Variants in CRPPA observed in about 807,000 individuals in gnomAD.
The protein encoded by CRPPA is CDP-L-ribitol pyrophosphorylase A, also known as D-ribitol-5-phosphate cytidylyltransferase.
In CRPPA, 43 loss-of-function variants were observed where a neutral mutation model predicts 52.0. The observed-to-expected ratio is 0.83, with a 90% CI of 0.65 to 1.07. The LOEUF (loss-of-function observed/expected upper bound fraction) is 1.07, where lower values mean the gene tolerates loss of function less well. CRPPA is among the 50% of genes least tolerant of loss of function. CRPPA has a pLI of 0.00. For missense variants in CRPPA, 629 were observed against 551.7 expected, an observed-to-expected ratio of 1.14 and a Z score of -1.40; for synonymous variants, 250 against 203.5, an observed-to-expected ratio of 1.23 and a Z score of -1.94.
intron 2 of CRPPA, among the ~76,000 whole-genome samples, chr7:16,386,645 G>T (rs1358120800): frequency 6.6e-6 from 1 of 152,158 alleles, no homozygotes; most frequent in South Asian, 2.1e-4. Context: ...TTAAGGAAAT[G>T]ACACCAGATG....
intron 9 of CRPPA, among the ~76,000 whole-genome samples, chr7:16,192,890 T>G (rs565974840): frequency 6.6e-6 from 1 of 152,172 alleles, no homozygotes; most frequent in Non-Finnish European, 1.5e-5. Context: ...TGTGGGTCTA[T>G]TTCTAGACTA....
chr7:16,125,861 G>C (rs1232017107), intron 9 of CRPPA, among the ~76,000 whole-genome samples: 6 of 147,018 alleles, frequency 4.1e-5, no homozygotes, highest in East Asian at 2.1e-4. Context: ...GGTGGTAGCA[G>C]TGTTAGATGT....
intron 9 of CRPPA, among the ~76,000 whole-genome samples, chr7:16,166,368 C>T (rs150799291): frequency 6.6e-6 from 1 of 151,986 alleles, no homozygotes; most frequent in African/African-American, 2.4e-5. Context: ...CAACCTCTGT[C>T]TTCCAGGTTC....
intron 1 of CRPPA, among the ~76,000 whole-genome samples, chr7:16,411,388 A>G (rs1788073917): frequency 6.6e-6 from 1 of 152,128 alleles, no homozygotes; most frequent in Admixed American, 6.6e-5. Flanking sequence ...ATCATTTTGG[A>G]TCATTGCATC....
chr7:16,129,408 A>G (rs1782640582), intron 9 of CRPPA, among the ~76,000 whole-genome samples: 1 of 152,032 alleles, frequency 6.6e-6, no homozygotes, highest in Non-Finnish European at 1.5e-5. Flanking sequence ...TTTGGTATTC[A>G]TTCCATTCCT....
intron 5 of CRPPA, among the ~76,000 whole-genome samples, chr7:16,283,385 G>A (rs1040818336): frequency 1.1e-4 from 16 of 149,804 alleles, no homozygotes; most frequent in African/African-American, 3.7e-4. Context: ...AACACAAATA[G>A]CTTCCCTTTT....
At chr7:16,255,516 G>T (rs371577074) in intron 8 of CRPPA, among the ~76,000 whole-genome samples, 1 of 152,264 alleles carries the variant, frequency 6.6e-6, no homozygotes, top group African/African-American at 2.4e-5. Flanking sequence ...AAAGCTGGAG[G>T]CATCACGCTA....
intron 2 of CRPPA, among the ~76,000 whole-genome samples, chr7:16,403,135 G>T (rs948487544): frequency 6.6e-6 from 1 of 151,590 alleles, no homozygotes; most frequent in Non-Finnish European, 1.5e-5. Flanking sequence ...AAAATAGTGA[G>T]GGGGGGAAAA....
At chr7:16,212,751 A>G (rs1237205856) in intron 9 of CRPPA, among the ~76,000 whole-genome samples, 1 of 152,208 alleles carries the variant, frequency 6.6e-6, no homozygotes, top group Non-Finnish European at 1.5e-5. Flanking sequence ...AAGTTCTGAC[A>G]TCTGCATTTT....
At chr7:16,162,973 C>CTTTT (rs377244023) in intron 9 of CRPPA, among the ~76,000 whole-genome samples, 22 of 120,830 alleles carry the variant, frequency 1.8e-4, no homozygotes, top group Admixed American at 2.9e-4. Context: ...TTTTCTTTCT[C>CTTTT]TTTTTTTTTT....
intron 9 of CRPPA, among the ~76,000 whole-genome samples, chr7:16,162,865 A>G (rs1163766312): frequency 6.6e-6 from 1 of 150,716 alleles, no homozygotes; most frequent in African/African-American, 2.4e-5. Flanking sequence ...GTGCTCCTGT[A>G]TTGGGTGCAT....
At chr7:16,096,097 C>T (rs924196573) in intron 9 of CRPPA, among the ~76,000 whole-genome samples, 1 of 152,078 alleles carries the variant, frequency 6.6e-6, no homozygotes, top group Middle Eastern at 3.2e-3. Context: ...CCGACCAGCC[C>T]TAAGAAAGCT....
At chr7:16,402,124 T>C (rs1787831562) in intron 2 of CRPPA, among the ~76,000 whole-genome samples, 1 of 152,090 alleles carries the variant, frequency 6.6e-6, no homozygotes, top group African/African-American at 2.4e-5. Flanking sequence ...ATTTAAAAGG[T>C]AGCTGGGGCA....
At chr7:16,368,729 T>C (rs115303056) in intron 3 of CRPPA, among the ~76,000 whole-genome samples, 3 of 152,322 alleles carry the variant, frequency 2.0e-5, no homozygotes, top group African/African-American at 7.2e-5. Flanking sequence ...TTAATAAATG[T>C]CACAATTTTA....
At chr7:16,396,023 A>G (rs1302498137) in intron 2 of CRPPA, among the ~76,000 whole-genome samples, 1 of 152,226 alleles carries the variant, frequency 6.6e-6, no homozygotes, top group Non-Finnish European at 1.5e-5. Flanking sequence ...CCCTTTGTCG[A>G]AATAAACCTG....
chr7:16,312,272 T>C (rs888012656), intron 3 of CRPPA, among the ~76,000 whole-genome samples: 2 of 152,026 alleles, frequency 1.3e-5, no homozygotes, highest in African/African-American at 2.4e-5. Flanking sequence ...CCTCTCCATT[T>C]ATGTAGTTCT....
At chr7:16,126,163 G>C (rs1249129077) in intron 9 of CRPPA, among the ~76,000 whole-genome samples, 1 of 152,106 alleles carries the variant, frequency 6.6e-6, no homozygotes, top group African/African-American at 2.4e-5. Flanking sequence ...AGTCTTCGAA[G>C]TAAGTACCAA....
chr7:16,259,064 A>C lies in CRPPA; in HGVS notation c.934-52T>G, dbSNP rs149948893. 6.0e-4 allele frequency: 762 copies of C among 1,260,634 alleles called. 6 individuals carry two copies. The African/African-American group carries it at 0.01, about 17-fold the overall frequency. The allele number at this position is 1,260,634 out of a possible 1,614,324, so 78.1% of individuals were successfully genotyped here. A position where few individuals can be genotyped will look rare whatever the true frequency, so the allele number is the denominator to read the frequency against. ...CACAAATTAGATAGACCAAACATAA[A>C]CATCTTTGTTACAAAGGAACACATA... On this transcript the variant is annotated intron_variant, in intron 6 of 9. Transcript: ENST00000407010.
chr7:16,164,125 C>A (rs1444676896), intron 9 of CRPPA, among the ~76,000 whole-genome samples: 2 of 152,180 alleles, frequency 1.3e-5, no homozygotes, highest in Non-Finnish European at 2.9e-5. Flanking sequence ...TTCCATTCTC[C>A]CCATCACTTT....
Sources: gnomAD v4.1 joint callset for allele counts (sites outside exome capture counted in the v4.1 genomes callset) on GRCh38, gnomAD v4.1.1 for gene constraint, MANE v1.5 for transcripts, NCBI Gene and HGNC (gene_info 2026-07-23, HGNC 2026-07-21) for gene names.